Variants in AGAP1 observed in about 807,000 individuals in gnomAD.
AGAP1 encodes arf-GAP with GTPase, ANK repeat and PH domain-containing protein 1.
A neutral mutation model predicts 105.3 loss-of-function variants in AGAP1; 29 were observed. The ratio of observed to expected loss-of-function variants is 0.28; its 90% CI spans 0.21 to 0.38. AGAP1 has a LOEUF of 0.38. Among genes scored for constraint, AGAP1 ranks in the 10% least tolerant of loss-of-function variants. AGAP1 has a pLI of 1.00. For missense variants in AGAP1, 998 were observed against 1,165.1 expected (o/e 0.86, Z 2.09); for synonymous variants, 509 against 485.9 (o/e 1.05, Z -0.63).
chr2:235,530,693 A>G (rs544170011), intron 1 of AGAP1, among the ~76,000 whole-genome samples: 167 of 151,796 alleles, frequency 1.1e-3, no homozygotes, highest in African/African-American at 3.8e-3. Flanking sequence ...TTTTCATTTG[A>G]TAAGGACCCT....
intron 13 of AGAP1, among the ~76,000 whole-genome samples, chr2:235,999,492 GTGGTGGTGGTAGTGGTGA>G (rs1464078374): frequency 6.8e-6 from 1 of 147,772 alleles, no homozygotes; most frequent in East Asian, 2.0e-4. Context: ...ATGGTGAGAG[GTGGTGGTGGTAGTGGTGA>G]TGGTGGTGGT....
chr2:235,607,829 G>A (rs181257394), intron 1 of AGAP1, among the ~76,000 whole-genome samples: 42 of 152,186 alleles, frequency 2.8e-4, no homozygotes, highest in Non-Finnish European at 5.3e-4. Flanking sequence ...AGTCACTATC[G>A]GGGAACGTTC....
chr2:235,755,550 C>G (rs967484221), intron 6 of AGAP1, among the ~76,000 whole-genome samples: 15 of 152,192 alleles, frequency 9.9e-5, no homozygotes, highest in Non-Finnish European at 1.0e-4. Context: ...AAGCAGTTCT[C>G]CTGCCTCTGC....
At position 235,872,061 on chromosome 2, in the gene AGAP1, G is replaced by A. The variant is rs1440484019; in HGVS notation, c.1051-11284G>A. Among the ~76,000 whole-genome samples, 2 of 151,568 alleles carry A rather than the reference G, an allele frequency of 1.3e-5. No homozygotes were observed. The highest frequency in any genetic ancestry group is 4.8e-5 in the African/African-American group (2 of 41,346). On this transcript the variant is annotated intron_variant, in intron 9 of 17. Transcript: ENST00000304032. This position sits in a 1 kb window ranked among gnomAD's most constrained non-coding sequence, Gnocchi z 4.5. Reference sequence around the variant, plus strand: ...GATATCAGTTGTGATTGCAGTTGATGAAATATGCAGTTGTGAATACTGAGA... The same window carrying A: ...GATATCAGTTGTGATTGCAGTTGATAAAATATGCAGTTGTGAATACTGAGA...
At chr2:235,672,682 T>A (rs768024152) in intron 1 of AGAP1, among the ~76,000 whole-genome samples, 28 of 152,258 alleles carry the variant, frequency 1.8e-4, no homozygotes, top group Non-Finnish European at 3.4e-4. Flanking sequence ...TCTGTGGACT[T>A]GGAAGAAAAC....
chr2:235,533,865 A>G (rs561420204), intron 1 of AGAP1, among the ~76,000 whole-genome samples: 1 of 152,164 alleles, frequency 6.6e-6, no homozygotes, highest in Non-Finnish European at 1.5e-5. Context: ...TGGTCAAGAG[A>G]GTTGGTTGGT....
In AGAP1 at chr2:235,901,094, C is replaced by T. The variant is rs185875093; in HGVS notation, c.1156-7644C>T. On this transcript the variant is annotated intron_variant, in intron 10 of 17. Coordinates refer to ENST00000304032, the MANE Select transcript of AGAP1 (RefSeq NM_001037131.3). This position sits in a 1 kb window ranked among gnomAD's most constrained non-coding sequence, Gnocchi z 4.3. ...TTTCACAGTATTTTTAGGAGCATGACTTTGGTCTGCACCTGTGACTACGTA... is the reference window on the plus strand; with the variant it reads ...TTTCACAGTATTTTTAGGAGCATGATTTTGGTCTGCACCTGTGACTACGTA... Among the ~76,000 whole-genome samples the T allele has an allele frequency of 2.8e-4, 42 of 152,282 alleles. No homozygotes were observed. The East Asian group carries it at 7.9e-3, about 29-fold the overall frequency.
At chr2:235,730,982 C>G (rs930885109) in intron 3 of AGAP1, among the ~76,000 whole-genome samples, 1 of 152,156 alleles carries the variant, frequency 6.6e-6, no homozygotes, top group African/African-American at 2.4e-5. Context: ...CCCCCAGCCC[C>G]TAGCCCGGCT....
rs1380869833 is a variant in AGAP1, at chr2:235,754,685, G to T, written c.673+4197G>T. ...TGGCTACTGGCAAGTGGCTGTAGGT[G>T]TTGGGAAGCAGCCTAGCAGGCTGGT... On this transcript the variant is annotated intron_variant, in intron 6 of 17. Transcript: ENST00000304032. The surrounding 1 kb of genome is among the most constrained non-coding windows in gnomAD (Gnocchi z 4.6). 6.6e-6 allele frequency among the ~76,000 whole-genome samples: 1 copy of T among 152,224 alleles called. No homozygotes were observed. The highest frequency in any genetic ancestry group is 2.4e-5 in the African/African-American group (1 of 41,464).
chr2:235,804,078 G>T (rs775802662), intron 8 of AGAP1, among the ~76,000 whole-genome samples: 1 of 152,150 alleles, frequency 6.6e-6, no homozygotes, highest in East Asian at 1.9e-4. Flanking sequence ...CGCTGCTACT[G>T]CAAGAAATAA....
chr2:235,939,657 TCCACTTCAGTC>T, intron 12 of AGAP1, among the ~76,000 whole-genome samples: 1 of 152,182 alleles, frequency 6.6e-6, no homozygotes, highest in South Asian at 2.1e-4. Flanking sequence ...ACTGCTCTCA[TCCACTTCAGTC>T]CCAGGAGCAC....
intron 9 of AGAP1, among the ~76,000 whole-genome samples, chr2:235,880,034 C>G (rs2106610055): frequency 6.7e-6 from 1 of 149,248 alleles, no homozygotes; most frequent in African/African-American, 2.5e-5. Flanking sequence ...CACTTGAGCC[C>G]AAGAGTTCAA....
Position 235,842,286 on chromosome 2 carries a change from A to T in AGAP1, c.1050+34955A>T, listed in dbSNP as rs1960953292. The stretch of plus-strand genomic sequence containing the variant: ...TCGTATTTCCACTGACTTCGACTGA[A>T]AGTTAACGTTTCCTTCAGATATGAA... On this transcript the variant is annotated intron_variant, in intron 9 of 17. Coordinates refer to ENST00000304032, the MANE Select transcript of AGAP1 (RefSeq NM_001037131.3). This position sits in a 1 kb window ranked among gnomAD's most constrained non-coding sequence, Gnocchi z 5.3. Among the ~76,000 whole-genome samples, 1 of 152,226 alleles carries T rather than the reference A, an allele frequency of 6.6e-6. No individual in the cohort carries two copies. The highest frequency in any genetic ancestry group is 2.4e-5 in the African/African-American group (1 of 41,452).
In AGAP1 at chr2:235,788,055, G is replaced by A. The variant is rs1956756653; in HGVS notation, c.674-9704G>A. Among the ~76,000 whole-genome samples the A allele has an allele frequency of 6.6e-6, 1 of 152,194 alleles. No individual in the cohort carries two copies. The highest frequency in any genetic ancestry group is 1.9e-4 in the East Asian group (1 of 5,186). The stretch of plus-strand genomic sequence containing the variant: ...CTAGGCCATTGGCATCAACGCTGCA[G>A]CCTCTGAGTCATGCATGCCTCATGG... On this transcript the variant is annotated intron_variant, in intron 6 of 17. Transcript: ENST00000304032. The surrounding 1 kb of genome is among the most constrained non-coding windows in gnomAD (Gnocchi z 6.0).
chr2:235,730,132 A>G lies in AGAP1; in HGVS notation c.311-10831A>G, dbSNP rs1951861427. ...ACAGCTCATAAGCCCGTACTTTTAC[A>G]TACTCACTTCCTGAATTGCATATTG... On this transcript the variant is annotated intron_variant, in intron 3 of 17. Coordinates refer to ENST00000304032, the MANE Select transcript of AGAP1 (RefSeq NM_001037131.3). Among the ~76,000 whole-genome samples the G allele has an allele frequency of 2.0e-5, 3 of 152,292 alleles. No homozygotes were observed. The South Asian group carries it at 6.2e-4, about 32-fold the overall frequency.
In AGAP1 at chr2:236,078,799, A is replaced by G. The variant is rs140257397; in HGVS notation, c.2114+29518A>G. Among the ~76,000 whole-genome samples, 2 of 152,210 alleles carry G rather than the reference A, an allele frequency of 1.3e-5. No homozygotes were observed. The highest frequency in any genetic ancestry group is 2.9e-5 in the Non-Finnish European group (2 of 68,002). ...CTTGAGCCAGACTGGTCGTTCTGCC[A>G]GGTTGGTTGCCCACCCTCCTACCCC... is the stretch of plus-strand genomic sequence containing the variant. On this transcript the variant is annotated intron_variant, in intron 16 of 17. Transcript: ENST00000304032. This position sits in a 1 kb window ranked among gnomAD's most constrained non-coding sequence, Gnocchi z 5.3.
At position 235,901,493 on chromosome 2, in the gene AGAP1, A is replaced by G. The variant is rs184071905; in HGVS notation, c.1156-7245A>G. Among the ~76,000 whole-genome samples the G allele has an allele frequency of 2.0e-4, 30 of 152,368 alleles. No individual in the cohort carries two copies. The highest frequency in any genetic ancestry group is 1.2e-3 in the Admixed American group (18 of 15,302). On this transcript the variant is annotated intron_variant, in intron 10 of 17. Coordinates refer to ENST00000304032, the MANE Select transcript of AGAP1 (RefSeq NM_001037131.3). The surrounding 1 kb of genome is among the most constrained non-coding windows in gnomAD (Gnocchi z 4.3). ...CCTTTGCTCCTCCCCGGTTGTGTAC[A>G]TAAAAGCATACACATGGAGCCAATG...
rs1017993373 is a variant in AGAP1, at chr2:235,887,722, A to G, written c.1155+4273A>G. Among the ~76,000 whole-genome samples the G allele has an allele frequency of 3.3e-5, 5 of 152,198 alleles. No individual in the cohort carries two copies. The highest frequency in any genetic ancestry group is 1.2e-4 in the African/African-American group (5 of 41,448). On this transcript the variant is annotated intron_variant, in intron 10 of 17. Transcript: ENST00000304032. This position sits in a 1 kb window ranked among gnomAD's most constrained non-coding sequence, Gnocchi z 4.1. ...TTTTTAGTTTTCTACAAAGATGTAA[A>G]CGGGTATCAATAGTGAGGTTGCTGC... is the stretch of plus-strand genomic sequence containing the variant.
At chr2:235,885,543 A>G (rs931139364) in intron 10 of AGAP1, among the ~76,000 whole-genome samples, 3 of 152,200 alleles carry the variant, frequency 2.0e-5, no homozygotes, top group African/African-American at 2.4e-5. Context: ...TCAAATTCCC[A>G]GAAAGGTTGT....
Sources: gnomAD v4.1 joint callset for allele counts (sites outside exome capture counted in the v4.1 genomes callset) on GRCh38, gnomAD v4.1.1 for gene constraint, Gnocchi (gnomAD v3.1) non-coding constraint, MANE v1.5 for transcripts, NCBI Gene and HGNC (gene_info 2026-07-23, HGNC 2026-07-21) for gene names.